The following POGLUT1 variants were observed in gnomAD, a reference collection of about 807,000 sequenced individuals.
The protein encoded by POGLUT1 is 9630046K23Rik.
In POGLUT1, 32 loss-of-function variants were observed where a neutral mutation model predicts 61.3. The observed-to-expected ratio is 0.52, with a 90% CI of 0.39 to 0.70. The LOEUF (loss-of-function observed/expected upper bound fraction) is 0.70, where lower values mean the gene tolerates loss of function less well. Among genes scored for constraint, POGLUT1 ranks in the 30% least tolerant of loss-of-function variants. POGLUT1 has a pLI of 0.00. For synonymous variants in POGLUT1, 158 were observed against 158.2 expected, an observed-to-expected ratio of 1.00 and a Z score of 0.01; for missense variants, 411 against 469.8, an observed-to-expected ratio of 0.87 and a Z score of 1.16.
chr3:119,478,333 G>A, intron 4 of POGLUT1: 1 of 456,642 alleles, frequency 2.2e-6, no homozygotes, highest in South Asian at 1.5e-5. Context: ...TTTCTCCCTA[G>A]ACTTGTTTTA....
chr3:119,471,208 T>G, intron 2 of POGLUT1, 101 bp from the exon 3 acceptor site: 1 of 999,418 alleles, frequency 1.0e-6, no homozygotes, highest in South Asian at 1.4e-5. Flanking sequence ...TCCTTCCACT[T>G]ACTGTGTTCT....
rs11720423 is a variant in POGLUT1, at chr3:119,491,821, G to A, written c.1022+247G>A. ...TGTAATCCCAGCACTCTGGAAGGCC[G>A]AGGTGGGCGGATCACCTGAGGTCAG... On this transcript the variant is annotated intron_variant, in intron 10 of 10. Transcript: ENST00000295588. Among the ~76,000 whole-genome samples, 31,588 of 152,146 alleles carry A rather than the reference G, an allele frequency of 0.21. 4,079 individuals are homozygous for A. The highest frequency in any genetic ancestry group is 0.29 in the Middle Eastern group (85 of 294).
intron 3 of POGLUT1, among the ~76,000 whole-genome samples, chr3:119,473,311 A>G (rs1003047972): frequency 1.3e-5 from 2 of 148,604 alleles, no homozygotes; most frequent in African/African-American, 5.0e-5. Context: ...AGCTTACCCA[A>G]TGTTTAATAG....
Position 119,492,411 on chromosome 3 carries a change from T to C in POGLUT1, c.1152T>C (p.Ile384=), listed in dbSNP as rs1269033390. ...VTRRKGYDQI[I]PKMLKTEL Reference sequence around the variant, plus strand: ...GAAGGAAAGGTTATGATCAAATTATTCCCAAAATGTTGAAAACTGAACTAT... The same window carrying C: ...GAAGGAAAGGTTATGATCAAATTATCCCCAAAATGTTGAAAACTGAACTAT... The change falls in exon 11 of 11, where the codon ATT becomes ATC. Residue 384 remains isoleucine (I), a synonymous_variant. Coordinates refer to ENST00000295588, the MANE Select transcript of POGLUT1 (RefSeq NM_152305.3). 6.2e-7 allele frequency: 1 copy of C among 1,604,100 alleles called. No individual in the cohort carries two copies. Among genetic ancestry groups the C allele is most frequent in the African/African-American group, 1.3e-5 (1 of 74,374 alleles).
In POGLUT1 at chr3:119,486,942, A is replaced by G. The variant is rs768402136; in HGVS notation, c.738+10A>G. 4.5e-6 allele frequency: 7 copies of G among 1,542,508 alleles called. No individual in the cohort carries two copies. Among genetic ancestry groups the G allele is most frequent in the Non-Finnish European group, 6.3e-6 (7 of 1,115,016 alleles). Reference sequence around the variant, plus strand: ...CTGGAAATCTATGAAAGTAATCACCAGTCATCTGACTAGAACTACAGCAGT... The same window carrying G: ...CTGGAAATCTATGAAAGTAATCACCGGTCATCTGACTAGAACTACAGCAGT... On this transcript the variant is annotated intron_variant, in intron 7 of 10. Transcript: ENST00000295588.
In POGLUT1 at chr3:119,474,235, C is replaced by G. The variant is rs549975252; in HGVS notation, c.320+2783C>G. The stretch of plus-strand genomic sequence containing the variant: ...TGTTAATTAGCTTGATATACTCATT[C>G]CACAATGTAAACATATATCAAAACA... On this transcript the variant is annotated intron_variant, in intron 3 of 10. Transcript: ENST00000295588. Among the ~76,000 whole-genome samples the G allele has an allele frequency of 7.2e-5, 11 of 152,156 alleles. 1 individual carries two copies. The highest frequency in any genetic ancestry group is 6.5e-4 in the Admixed American group (10 of 15,294).
At position 119,492,836 on chromosome 3, in the gene POGLUT1, G is replaced by A. The variant is rs1397495222; in HGVS notation, c.*398G>A. ...GGAGCAGAAAATTCGTCATTTGGAAGTAGTACAACTCATTGCTGGAATTGT... is the reference window on the plus strand; with the variant it reads ...GGAGCAGAAAATTCGTCATTTGGAAATAGTACAACTCATTGCTGGAATTGT... On this transcript the variant is annotated 3_prime_UTR_variant, in exon 11 of 11. Transcript: ENST00000295588. 6.5e-6 allele frequency: 1 copy of A among 153,476 alleles called. No individual in the cohort carries two copies. The highest frequency in any genetic ancestry group is 2.4e-5 in the African/African-American group (1 of 41,472). 9.5% of individuals were successfully genotyped at this position (153,476 alleles called of 1,614,324 possible). A position where few individuals can be genotyped will look rare whatever the true frequency, so the allele number is the denominator to read the frequency against.
intron 3 of POGLUT1, 145 bp downstream of exon 3, chr3:119,471,597 C>A: frequency 1.3e-6 from 1 of 760,830 alleles, no homozygotes; most frequent in Non-Finnish European, 2.2e-6. Context: ...GAGCTCTTCT[C>A]CTTGCCTGGG....
At position 119,492,425 on chromosome 3, in the gene POGLUT1, A is replaced by G; in HGVS notation, c.1166A>G (p.Lys389Arg). The change falls in exon 11 of 11, where the codon AAA (lysine) becomes AGA (arginine). Residue 389 changes from lysine to arginine, a missense_variant. Transcript: ENST00000295588. ...GATCAAATTATTCCCAAAATGTTGAAAACTGAACTATAGTAGTCATCATAG... is the reference window on the plus strand; with the variant it reads ...GATCAAATTATTCCCAAAATGTTGAGAACTGAACTATAGTAGTCATCATAG... ...GYDQIIPKML[K>R]TEL 2 of 1,600,694 alleles carry G rather than the reference A, an allele frequency of 1.2e-6. No homozygotes were observed. Among genetic ancestry groups the G allele is most frequent in the Non-Finnish European group, 1.7e-6 (2 of 1,171,458 alleles).
In POGLUT1 at chr3:119,469,140, G is replaced by T. The variant is rs375805106; in HGVS notation, c.85+34G>T. On this transcript the variant is annotated intron_variant, in intron 1 of 10. Coordinates refer to ENST00000295588, the MANE Select transcript of POGLUT1 (RefSeq NM_152305.3). ...CGGGCAGTGCCGAGCCTGCCCCTTG[G>T]GCTCGGGGTCTGGCCGGAGTCCCGA... 426 of 1,528,414 alleles carry T rather than the reference G, an allele frequency of 2.8e-4. No individual in the cohort carries two copies. In the African/African-American group the frequency reaches 5.1e-3, roughly 18 times the overall value. The allele number at this position is 1,528,414 out of a possible 1,614,324, so 94.7% of individuals were successfully genotyped here.
chr3:119,490,842 C>T (rs1476860144), intron 9 of POGLUT1, 124 bp downstream of exon 9: 1 of 787,052 alleles, frequency 1.3e-6, no homozygotes, highest in African/African-American at 1.7e-5. Context: ...CCATTGAAAG[C>T]TTTTTTTCCT....
intron 7 of POGLUT1, 110 bp downstream of exon 7, chr3:119,487,042 T>G: frequency 2.6e-6 from 2 of 755,806 alleles, no homozygotes; most frequent in Non-Finnish European, 4.7e-6. Context: ...GTGAGGTGAA[T>G]GTAAAGAAAG....
chr3:119,486,961 C>G, intron 7 of POGLUT1, 29 bp downstream of exon 7: 1 of 1,342,222 alleles, frequency 7.5e-7, no homozygotes, highest in Non-Finnish European at 1.1e-6. Context: ...ACTAGAACTA[C>G]AGCAGTGAAC....
At chr3:119,483,154 C>T (rs539891654) in intron 5 of POGLUT1, among the ~76,000 whole-genome samples, 10 of 152,256 alleles carry the variant, frequency 6.6e-5, no homozygotes, top group South Asian at 6.2e-4. Context: ...ATCCTTTGAC[C>T]TAGCTGTTTC....
intron 3 of POGLUT1, among the ~76,000 whole-genome samples, chr3:119,474,032 T>G (rs775041828): frequency 6.6e-6 from 1 of 152,126 alleles, no homozygotes; most frequent in Non-Finnish European, 1.5e-5. Context: ...ACTCCACATT[T>G]CAAGGATGAG....
intron 8 of POGLUT1, chr3:119,490,334 C>A: frequency 1.8e-6 from 1 of 548,798 alleles, no homozygotes; most frequent in Non-Finnish European, 3.3e-6. Context: ...TTTTTCCTCA[C>A]CCTGCCATTC....
intron 3 of POGLUT1, among the ~76,000 whole-genome samples, chr3:119,475,769 GCCA>G (rs2081527790): frequency 1.3e-5 from 2 of 149,404 alleles, no homozygotes; most frequent in African/African-American, 5.0e-5. Flanking sequence ...CTGAGATTGC[GCCA>G]TTGCACTCCA....
intron 8 of POGLUT1, chr3:119,490,031 A>G (rs2081722523): frequency 6.5e-6 from 1 of 154,020 alleles, no homozygotes; most frequent in African/African-American, 2.4e-5. Flanking sequence ...CCGCTGCTCT[A>G]TACTTTAAGA....
chr3:119,477,443 A>T lies in POGLUT1; in HGVS notation c.451A>T (p.Ser151Cys). The T allele has an allele frequency of 6.2e-7, 1 of 1,614,052 alleles. No individual in the cohort carries two copies. Among genetic ancestry groups the T allele is most frequent in the Non-Finnish European group, 8.5e-7 (1 of 1,179,932 alleles). The change falls in exon 4 of 11, where the codon AGT becomes TGT. Residue 151 changes from serine (S) to cysteine (C), a missense_variant. Physicochemically the swap from Ser to Cys is moderately radical, Grantham distance 112. Transcript: ENST00000295588. ...MEPAIPVFSF[S>C]KTSEYHDIMY... ...GCCTGCCATCCCAGTCTTCTCCTTC[A>T]GTAAGGTAAGTACAGGGAGAGCCAC...
Sources: gnomAD v4.1 joint callset for allele counts (sites outside exome capture counted in the v4.1 genomes callset) on GRCh38, gnomAD v4.1.1 for gene constraint, MANE v1.5 for transcripts, NCBI Gene and HGNC (gene_info 2026-07-23, HGNC 2026-07-21) for gene names.